The following NSD2 variants were observed in gnomAD, a reference collection of about 807,000 sequenced individuals.
NSD2 encodes nuclear receptor binding SET domain protein 2, also known as histone-lysine N-methyltransferase NSD2.
Under a neutral mutation model 139.0 loss-of-function variants are expected in NSD2, and 12 were observed. The observed-to-expected ratio is 0.09, with a 90% CI of 0.06 to 0.14. The LOEUF is 0.14. Among genes scored for constraint, NSD2 ranks in the 10% least tolerant of loss-of-function variants. The probability of loss-of-function intolerance (pLI) is 1.00; values close to 1 mark genes in which losing one functional copy is unlikely to be tolerated. For missense variants in NSD2, 1,155 were observed against 1,745.0 expected (o/e 0.66, Z 6.02); for synonymous variants, 669 against 648.7 (o/e 1.03, Z -0.48).
chr4:1,952,015 G>C, intron 10 of NSD2, 93 bp from the exon 11 acceptor site: 1 of 1,525,846 alleles, frequency 6.6e-7, no homozygotes. Context: ...GGGATTTTCT[G>C]CCACTGGAGA....
At position 1,872,637 on chromosome 4, in the gene NSD2, C is replaced by CGCGAGA. The variant is rs1553856508; in HGVS notation, c.-30+1098_-30+1099insAGAGCG. ...GAGAGAGAGAGAGAGAGAGAGAGAG[C>CGCGAGA]GCGCAGACCCTGTGAAGACAAGACT... On this transcript the variant is annotated intron_variant, in intron 1 of 21. Transcript: ENST00000508803. Among the ~76,000 whole-genome samples the CGCGAGA allele has an allele frequency of 7.3e-3, 597 of 81,842 alleles. 9 individuals are homozygous for CGCGAGA. Among genetic ancestry groups the CGCGAGA allele is most frequent in the African/African-American group, 0.022 (523 of 23,328 alleles). The allele number at this position is 81,842 out of a possible 152,430, so 53.7% of individuals were successfully genotyped here.
intron 20 of NSD2, 61 bp downstream of exon 20, chr4:1,975,461 ACCTGTGTCCC>A: frequency 6.7e-7 from 1 of 1,481,670 alleles, no homozygotes; most frequent in Non-Finnish European, 9.4e-7. Context: ...ACTCCTGGAG[ACCTGTGTCCC>A]CCGTGAACAG....
At chr4:1,898,481 G>A (rs1234926333) in intron 1 of NSD2, among the ~76,000 whole-genome samples, 2 of 151,920 alleles carry the variant, frequency 1.3e-5, no homozygotes, top group East Asian at 1.9e-4. Context: ...TGGGTAACAC[G>A]GTGAAACCCC....
At chr4:1,937,959 C>G (rs531854374) in intron 7 of NSD2, among the ~76,000 whole-genome samples, 4 of 152,270 alleles carry the variant, frequency 2.6e-5, no homozygotes, top group Admixed American at 2.6e-4. Context: ...ATTGGAAATC[C>G]TCAGTATAGT....
chr4:1,953,371 C>T lies in NSD2; in HGVS notation c.2185C>T (p.Arg729Cys), dbSNP rs1194038054. 1 of 1,614,090 alleles carries T rather than the reference C, an allele frequency of 6.2e-7. No individual in the cohort carries two copies. Among genetic ancestry groups the T allele is most frequent in the African/African-American group, 1.3e-5 (1 of 74,916 alleles). Residue 729 changes from arginine to cysteine, a missense_variant, in exon 12 of 22, where the codon CGC becomes TGC. Transcript: ENST00000508803. Reference protein sequence around the residue: ...VCKESKTDVKRCVVTQCGKFY... With the variant: ...VCKESKTDVKCCVVTQCGKFY... ...TAAAGAGAGCAAGACAGATGTTAAG[C>T]GCTGTGTGGTAACTCAGTGTGGAAA...
intron 1 of NSD2, among the ~76,000 whole-genome samples, chr4:1,876,572 G>A (rs569667227): frequency 6.6e-6 from 1 of 151,780 alleles, no homozygotes; most frequent in South Asian, 2.1e-4. Context: ...TGTGCCTATA[G>A]TCCCAGATAC....
chr4:1,940,440 T>G lies in NSD2; in HGVS notation c.1881+662T>G, dbSNP rs867756085. The G allele has an allele frequency of 3.8e-6, 4 of 1,063,292 alleles. No homozygotes were observed. In the South Asian group the frequency reaches 1.8e-4, roughly 48 times the overall value. 65.9% of individuals were successfully genotyped at this position (1,063,292 alleles called of 1,614,324 possible). ...TCATTGTAACATGACACTTAGACTT[T>G]ATTATCAAACCTAAATTTTTTGCCG... is the stretch of plus-strand genomic sequence containing the variant. On this transcript the variant is annotated intron_variant, in intron 9 of 21. Coordinates refer to ENST00000508803, the MANE Select transcript of NSD2 (RefSeq NM_001042424.3).
At chr4:1,957,206 C>T (rs1023514630) in intron 15 of NSD2, among the ~76,000 whole-genome samples, 7 of 151,858 alleles carry the variant, frequency 4.6e-5, no homozygotes, top group Non-Finnish European at 8.8e-5. Context: ...TGTGTTTCCT[C>T]GGTTCTTGCT....
chr4:1,881,553 G>T (rs770283325), intron 1 of NSD2, among the ~76,000 whole-genome samples: 3 of 152,002 alleles, frequency 2.0e-5, no homozygotes, highest in African/African-American at 4.8e-5. Flanking sequence ...GTGAGCCACC[G>T]TGCCTGGCTT....
intron 3 of NSD2, chr4:1,912,045 G>T: frequency 3.1e-6 from 1 of 318,606 alleles, no homozygotes. Flanking sequence ...AAGTTTTAAA[G>T]TAATGGAAGA....
chr4:1,881,222 G>A (rs1447983091), intron 1 of NSD2, among the ~76,000 whole-genome samples: 1 of 151,990 alleles, frequency 6.6e-6, no homozygotes, highest in Admixed American at 6.6e-5. Context: ...GGACACAGGC[G>A]TGTGCCACTA....
rs1727547312 is a variant in NSD2 at position 1,979,594 on chromosome 4, A to G, written c.*685A>G. 4.3e-6 allele frequency: 1 copy of G among 232,684 alleles called. No individual in the cohort carries two copies. Among genetic ancestry groups the G allele is most frequent in the Non-Finnish European group, 8.5e-6 (1 of 117,782 alleles). The allele number at this position is 232,684 out of a possible 1,614,324, so 14.4% of individuals were successfully genotyped here. On this transcript the variant is annotated 3_prime_UTR_variant, in exon 22 of 22. Transcript: ENST00000508803. ...TGAATGAAATGCCAATAACACGTCC[A>G]CTTTCAACGTGTAGTTTACGCGGAG...
chr4:1,925,389 C>CTTTTTTTTTTT (rs34335852), intron 5 of NSD2, among the ~76,000 whole-genome samples: 10 of 37,996 alleles, frequency 2.6e-4, no homozygotes, highest in African/African-American at 5.9e-4. Context: ...CTTTTTCTTT[C>CTTTTTTTTTTT]TTTTTTTTTT....
In NSD2 at chr4:1,942,995, G is replaced by A. The variant is rs2108908790; in HGVS notation, c.1881+3217G>A. ...TTTTTAGAAAAAAATACCATTTACA[G>A]TATTATTGTGAACCATTTAACCCTT... On this transcript the variant is annotated intron_variant, in intron 9 of 21. Coordinates refer to ENST00000508803, the MANE Select transcript of NSD2 (RefSeq NM_001042424.3). This position sits in a 1 kb window ranked among gnomAD's most constrained non-coding sequence, Gnocchi z 4.0. 9.5e-7 allele frequency: 1 copy of A among 1,051,174 alleles called. No homozygotes were observed. Among genetic ancestry groups the A allele is most frequent in the Admixed American group, 5.5e-5 (1 of 18,240 alleles). The allele number at this position is 1,051,174 out of a possible 1,614,324, so 65.1% of individuals were successfully genotyped here.
intron 9 of NSD2, chr4:1,940,270 G>T (rs1365530081): frequency 9.3e-7 from 1 of 1,073,800 alleles, no homozygotes; most frequent in African/African-American, 1.6e-5. Context: ...TGCATTTCAT[G>T]GCTTTGGTCC....
At chr4:1,872,637 C>CGAGAGCGAGAGA (rs1375337847) in intron 1 of NSD2, among the ~76,000 whole-genome samples, 4 of 81,746 alleles carry the variant, frequency 4.9e-5, no homozygotes, top group African/African-American at 1.3e-4. Flanking sequence ...AGAGAGAGAG[C>CGAGAGCGAGAGA]GCGCAGACCC....
intron 4 of NSD2, 26 bp from the exon 5 acceptor site, chr4:1,918,113 CTT>C: frequency 6.3e-7 from 1 of 1,595,850 alleles, no homozygotes; most frequent in Non-Finnish European, 8.5e-7. Context: ...TGTAGTGAAA[CTT>C]ACAGTGTCTC....
chr4:1,972,648 A>C lies in NSD2; in HGVS notation c.3373-2215A>C, dbSNP rs528258530. On this transcript the variant is annotated intron_variant, in intron 18 of 21. Coordinates refer to ENST00000508803, the MANE Select transcript of NSD2 (RefSeq NM_001042424.3). The surrounding 1 kb of genome is among the most constrained non-coding windows in gnomAD (Gnocchi z 4.0). Reference sequence around the variant, plus strand: ...CACACCACTTATAAAGGCCAATTCCAGATGGATTGAACAGCTAGGAGTGGG... The same window carrying C: ...CACACCACTTATAAAGGCCAATTCCCGATGGATTGAACAGCTAGGAGTGGG... Among the ~76,000 whole-genome samples, 45 of 152,334 alleles carry C rather than the reference A, an allele frequency of 3.0e-4. 1 individual carries two copies. The East Asian group carries it at 8.5e-3, about 29-fold the overall frequency.
At chr4:1,968,639 AAAAATC>A (rs1158545290) in intron 18 of NSD2, among the ~76,000 whole-genome samples, 2 of 152,244 alleles carry the variant, frequency 1.3e-5, no homozygotes, top group African/African-American at 2.4e-5. Flanking sequence ...CAGATTAAAA[AAAAATC>A]AAAATGTCAA....
Sources: gnomAD v4.1 joint callset for allele counts (sites outside exome capture counted in the v4.1 genomes callset) on GRCh38, gnomAD v4.1.1 for gene constraint, Gnocchi (gnomAD v3.1) non-coding constraint, MANE v1.5 for transcripts, NCBI Gene and HGNC (gene_info 2026-07-23, HGNC 2026-07-21) for gene names.